Variants in RBFOX1 observed in about 807,000 individuals in gnomAD.
RBFOX1 encodes RNA binding fox-1 homolog 1.
RBFOX1 carries 8 observed loss-of-function variants against 57.7 expected under a neutral mutation model. The observed-to-expected ratio is 0.14, with a 90% CI of 0.08 to 0.25. The LOEUF is 0.25. RBFOX1 is among the 10% of genes least tolerant of loss of function. The pLI is 1.00. For missense variants in RBFOX1, 611 were observed against 548.5 expected, an observed-to-expected ratio of 1.11 and a Z score of -1.14; for synonymous variants, 326 against 222.4, an observed-to-expected ratio of 1.47 and a Z score of -4.15.
chr16:5,691,361 G>C (rs1005221575), intron 3 of RBFOX1, among the ~76,000 whole-genome samples: 2 of 152,154 alleles, frequency 1.3e-5, no homozygotes, highest in African/African-American at 2.4e-5. Context: ...ATGTACTGGA[G>C]TGCTGCATAG....
chr16:7,265,950 T>C (rs1699526950), intron 4 of RBFOX1, among the ~76,000 whole-genome samples: 1 of 147,200 alleles, frequency 6.8e-6, no homozygotes, highest in African/African-American at 2.5e-5. Flanking sequence ...AGTTATGAGA[T>C]CTGGTGGGTT....
chr16:6,772,584 A>T (rs537638870), intron 3 of RBFOX1, among the ~76,000 whole-genome samples: 5 of 128,166 alleles, frequency 3.9e-5, no homozygotes, highest in East Asian at 2.4e-4. Flanking sequence ...GTGTATGTAT[A>T]TGGGTGGGTA....
intron 3 of RBFOX1, chr16:7,003,896 G>A (rs1481396217): frequency 1.3e-5 from 2 of 151,914 alleles, no homozygotes; most frequent in Non-Finnish European, 2.9e-5. Flanking sequence ...GGCTTTCAGT[G>A]GGTCAATGAA....
intron 3 of RBFOX1, among the ~76,000 whole-genome samples, chr16:6,804,976 G>A (rs957639516): frequency 2.6e-5 from 4 of 152,188 alleles, no homozygotes; most frequent in Non-Finnish European, 2.9e-5. Context: ...GAAAAGCACT[G>A]TGAAAGGCAA....
At chr16:7,556,393 G>C (rs896996640) in intron 5 of RBFOX1, among the ~76,000 whole-genome samples, 2 of 152,156 alleles carry the variant, frequency 1.3e-5, no homozygotes, top group Non-Finnish European at 2.9e-5. Flanking sequence ...GTAGTTGTTT[G>C]AGTAACTCAG....
chr16:7,569,466 G>A lies in RBFOX1; in HGVS notation c.271-10311G>A, dbSNP rs114216631. On this transcript the variant is annotated intron_variant, in intron 5 of 15. Coordinates refer to ENST00000550418, the MANE Select transcript of RBFOX1 (RefSeq NM_018723.4). ...ACGGGGTGTTCACTCTGACATTGGG[G>A]GTTCTCTTCCATGCCACTGGCCTCT... is the stretch of plus-strand genomic sequence containing the variant. Among the ~76,000 whole-genome samples the A allele has an allele frequency of 5.2e-3, 790 of 152,238 alleles. 10 individuals carry two copies. The highest frequency in any genetic ancestry group is 0.018 in the African/African-American group (754 of 41,532).
At chr16:5,811,258 C>G (rs557560248) in intron 3 of RBFOX1, among the ~76,000 whole-genome samples, 2 of 150,662 alleles carry the variant, frequency 1.3e-5, no homozygotes, top group Non-Finnish European at 3.0e-5. Flanking sequence ...CTCAGCCTCC[C>G]AAGTAGCTGG....
At chr16:5,641,176 A>T (rs2048860634) in intron 3 of RBFOX1, among the ~76,000 whole-genome samples, 1 of 150,754 alleles carries the variant, frequency 6.6e-6, no homozygotes, top group South Asian at 2.1e-4. Context: ...CATGCACACC[A>T]TGGATACACA....
At chr16:6,717,934 A>T (rs944309726) in intron 3 of RBFOX1, among the ~76,000 whole-genome samples, 2 of 152,224 alleles carry the variant, frequency 1.3e-5, no homozygotes, top group Admixed American at 6.5e-5. Flanking sequence ...TCAGTTCCAC[A>T]TAGTGGTCAG....
chr16:7,588,375 G>A (rs756900908), intron 7 of RBFOX1, among the ~76,000 whole-genome samples: 14 of 152,140 alleles, frequency 9.2e-5, no homozygotes, highest in Non-Finnish European at 2.1e-4. Context: ...CCAAGTTAGG[G>A]CTCAGCAACC....
chr16:6,547,739 C>T (rs567576995), intron 2 of RBFOX1, among the ~76,000 whole-genome samples: 10 of 151,472 alleles, frequency 6.6e-5, no homozygotes, highest in East Asian at 1.9e-4. Context: ...GGATACATTT[C>T]GTTTAGACCA....
At chr16:6,874,320 G>T (rs1156731213) in intron 3 of RBFOX1, among the ~76,000 whole-genome samples, 1 of 152,014 alleles carries the variant, frequency 6.6e-6, no homozygotes, top group Admixed American at 6.6e-5. Context: ...AGACCAGCCT[G>T]GCCAACATGA....
At chr16:6,108,838 A>T (rs149560345) in intron 1 of RBFOX1, among the ~76,000 whole-genome samples, 1 of 151,956 alleles carries the variant, frequency 6.6e-6, no homozygotes, top group Non-Finnish European at 1.5e-5. Context: ...TCTTCTGTAC[A>T]CGTCTGATCT....
chr16:7,276,722 G>T (rs997576566), intron 4 of RBFOX1, among the ~76,000 whole-genome samples: 3 of 152,220 alleles, frequency 2.0e-5, no homozygotes, highest in African/African-American at 7.2e-5. Context: ...TCGTGTTGAG[G>T]AGTAATTCAC....
intron 4 of RBFOX1, among the ~76,000 whole-genome samples, chr16:7,181,336 T>C (rs1315357666): frequency 6.6e-6 from 1 of 152,154 alleles, no homozygotes; most frequent in African/African-American, 2.4e-5. Flanking sequence ...TTCTCTGCCC[T>C]CTCCAAACCC....
At chr16:6,504,807 G>A (rs1479753416) in intron 2 of RBFOX1, among the ~76,000 whole-genome samples, 2 of 152,082 alleles carry the variant, frequency 1.3e-5, no homozygotes, top group African/African-American at 2.4e-5. Flanking sequence ...TGTAATCCCA[G>A]CACTTTGGGA....
rs2097392664 is a variant in RBFOX1, at chr16:6,574,382, G to T, written c.-63-80221G>T. On this transcript the variant is annotated intron_variant, in intron 2 of 15. Transcript: ENST00000550418. The stretch of plus-strand genomic sequence containing the variant: ...CTAGCGTGGGAATGCTGTGAGGAGG[G>T]GGCGGAACTCGGTGTAGCAAGGGTT... 2.6e-5 allele frequency among the ~76,000 whole-genome samples: 4 copies of T among 151,974 alleles called. No homozygotes were observed. The South Asian group carries it at 8.4e-4, about 32-fold the overall frequency.
chr16:6,778,329 C>T (rs1307680682), intron 3 of RBFOX1, among the ~76,000 whole-genome samples: 1 of 152,122 alleles, frequency 6.6e-6, no homozygotes, highest in Non-Finnish European at 1.5e-5. Context: ...CTCATGTACC[C>T]ATCCCCAGAT....
At chr16:6,041,564 G>A (rs7196844) in intron 1 of RBFOX1, among the ~76,000 whole-genome samples, 88 of 152,118 alleles carry the variant, frequency 5.8e-4, no homozygotes, top group African/African-American at 2.0e-3. Context: ...CTCCTCATCC[G>A]TATGTGACTC....
Sources: gnomAD v4.1 joint callset for allele counts (sites outside exome capture counted in the v4.1 genomes callset) on GRCh38, gnomAD v4.1.1 for gene constraint, MANE v1.5 for transcripts, NCBI Gene and HGNC (gene_info 2026-07-23, HGNC 2026-07-21) for gene names.